The following MYCBP2 variants were observed in gnomAD, a reference collection of about 807,000 sequenced individuals.
MYCBP2 encodes the protein MYC binding protein 2.
A neutral mutation model predicts 525.3 loss-of-function variants in MYCBP2; 120 were observed. The ratio of observed to expected loss-of-function variants is 0.23; its 90% CI spans 0.20 to 0.27. The LOEUF (loss-of-function observed/expected upper bound fraction) is 0.27, where lower values mean the gene tolerates loss of function less well. Ranked by LOEUF, MYCBP2 falls within the 10% of genes least tolerant of loss-of-function variation. The pLI is 1.00. For synonymous variants in MYCBP2, 1,894 were observed against 1,955.8 expected (o/e 0.97, Z 0.83); for missense variants, 4,149 against 5,657.1 (o/e 0.73, Z 8.55).
chr13:77,067,775 A>T lies in MYCBP2; in HGVS notation c.12261T>A (p.Asp4087Glu), dbSNP rs1364214149. The T allele has an allele frequency of 1.9e-6, 3 of 1,614,098 alleles. No individual in the cohort carries two copies. The South Asian group carries it at 3.3e-5, about 18-fold the overall frequency. The change falls in exon 71 of 83, where the codon GAT becomes GAA. Residue 4087 changes from aspartate to glutamate, a missense_variant. Asp to Glu is a conservative substitution (Grantham distance 45). Around this residue, in one of 21 missense-constraint regions of MYCBP2, gnomAD observed 148 missense variants for 179.4 expected, o/e 0.82. Transcript: ENST00000544440. ...CTGTTGAGTGAATGATATCACTGAT[A>T]TCTGCTGGGGGGAGGGATTTCACTC... ...IIGVKSLPPA[D>E]ISDIIHSTEK...
intron 46 of MYCBP2, among the ~76,000 whole-genome samples, chr13:77,153,876 A>G (rs1594953034): frequency 6.6e-6 from 1 of 152,284 alleles, no homozygotes; most frequent in East Asian, 1.9e-4. Context: ...CTGAACCAAA[A>G]CCAGGAAATT....
At chr13:77,275,137 T>A (rs2075377862) in intron 4 of MYCBP2, among the ~76,000 whole-genome samples, 3 of 152,180 alleles carry the variant, frequency 2.0e-5, no homozygotes, top group Admixed American at 1.3e-4. Context: ...ACAAAGAATG[T>A]CTCTACCCTT....
chr13:77,083,183 T>C lies in MYCBP2; in HGVS notation c.10885A>G (p.Thr3629Ala). The C allele has an allele frequency of 6.2e-7, 1 of 1,612,018 alleles. No homozygotes were observed. ...SKENSEQEKD[T>A]RVCEHPLSDI... Reference sequence around the variant, plus strand: ...GAGAGTGGATGTTCACATACTCTTGTATCTTTCTCCTAAGGCAGAAATTGA... The same window carrying C: ...GAGAGTGGATGTTCACATACTCTTGCATCTTTCTCCTAAGGCAGAAATTGA... Residue 3629 changes from threonine to alanine, a missense_variant, in exon 63 of 83, where the codon ACA becomes GCA. Coordinates refer to ENST00000544440, the MANE Select transcript of MYCBP2 (RefSeq NM_015057.5).
chr13:77,177,334 C>CTTTTTT (rs748460042), intron 35 of MYCBP2, among the ~76,000 whole-genome samples: 8 of 122,894 alleles, frequency 6.5e-5, no homozygotes, highest in East Asian at 2.2e-4. Context: ...TCTTTTCTTT[C>CTTTTTT]TTTTTTTTTT....
intron 54 of MYCBP2, 135 bp from the exon 55 acceptor site, chr13:77,121,630 T>A: frequency 2.5e-6 from 2 of 804,770 alleles, no homozygotes; most frequent in Non-Finnish European, 3.5e-6. Context: ...TTGATCAATT[T>A]AAATACCAGT....
chr13:77,302,022 C>CA (rs1376481022), intron 1 of MYCBP2, among the ~76,000 whole-genome samples: 1 of 151,664 alleles, frequency 6.6e-6, no homozygotes, highest in Non-Finnish European at 1.5e-5. Context: ...ATCACGGAAA[C>CA]AAAAATGGGA....
chr13:77,121,889 T>C (rs1022568083), intron 54 of MYCBP2, among the ~76,000 whole-genome samples: 6 of 152,096 alleles, frequency 3.9e-5, no homozygotes, highest in African/African-American at 1.4e-4. Flanking sequence ...ATTTTGCATA[T>C]TAGTATTAGA....
intron 38 of MYCBP2, 22 bp downstream of exon 38, chr13:77,171,470 A>G: frequency 6.2e-7 from 1 of 1,605,070 alleles, no homozygotes; most frequent in Non-Finnish European, 8.5e-7. Context: ...AAATATGACT[A>G]CTGAGAAAGA....
At chr13:77,119,555 T>C (rs1431114297) in intron 55 of MYCBP2, among the ~76,000 whole-genome samples, 2 of 152,084 alleles carry the variant, frequency 1.3e-5, no homozygotes, top group Non-Finnish European at 2.9e-5. Context: ...AAAAAAAACT[T>C]ACAAAAAACA....
chr13:77,048,746 T>C (rs1033793083), intron 82 of MYCBP2, among the ~76,000 whole-genome samples: 5 of 152,192 alleles, frequency 3.3e-5, no homozygotes, highest in South Asian at 2.1e-4. Context: ...TCCTTCCTTC[T>C]GCCAACTCTG....
intron 26 of MYCBP2, among the ~76,000 whole-genome samples, chr13:77,203,376 C>T (rs1298161092): frequency 1.3e-5 from 2 of 152,128 alleles, no homozygotes; most frequent in Admixed American, 1.3e-4. Context: ...CTACAAACCA[C>T]TGCTCAAGGA....
At position 77,225,540 on chromosome 13, in the gene MYCBP2, T is replaced by C. The variant is rs1566974257; in HGVS notation, c.2752A>G (p.Arg918Gly). 1 of 1,613,600 alleles carries C rather than the reference T, an allele frequency of 6.2e-7. No homozygotes were observed. Among genetic ancestry groups the C allele is most frequent in the Non-Finnish European group, 8.5e-7 (1 of 1,179,642 alleles). ...ATTTTGCTTGCATCCTTTTCGCCTC[T>C]TTCTCCACTTCCATCTGCAAGTGTT... ...RDKHKDGSGE[R>G]GEKDASKITT... The change falls in exon 19 of 83, where the codon AGA (arginine) becomes GGA (glycine). Residue 918 changes from arginine (R) to glycine (G), a missense_variant. Physicochemically the swap from Arg to Gly is moderately radical, Grantham distance 125. Coordinates refer to ENST00000544440, the MANE Select transcript of MYCBP2 (RefSeq NM_015057.5).
In MYCBP2 at chr13:77,257,842, A is replaced by C. The variant is rs2072510790; in HGVS notation, c.2018-13T>G. 3.8e-6 allele frequency: 6 copies of C among 1,593,216 alleles called. No homozygotes were observed. Among genetic ancestry groups the C allele is most frequent in the African/African-American group, 2.7e-5 (2 of 73,430 alleles). ...TCAGTTACCAAACCTATAGGAAAGAAACAAATTTAGTAAAAACAACAAAAA... is the reference window on the plus strand; with the variant it reads ...TCAGTTACCAAACCTATAGGAAAGACACAAATTTAGTAAAAACAACAAAAA... On this transcript the variant is annotated splice_polypyrimidine_tract_variant and intron_variant, in intron 13 of 82. Transcript: ENST00000544440.
At chr13:77,080,014 C>A (rs9565316) in intron 65 of MYCBP2, among the ~76,000 whole-genome samples, 9,901 of 152,150 alleles carry the variant, frequency 0.065, 538 homozygotes, top group East Asian at 0.17. Context: ...GAGAGTATGT[C>A]CTTGCTTAAA....
chr13:77,166,771 T>C (rs531133956), intron 40 of MYCBP2, among the ~76,000 whole-genome samples: 6 of 152,090 alleles, frequency 3.9e-5, no homozygotes, highest in Non-Finnish European at 8.8e-5. Flanking sequence ...TAAATTTGAC[T>C]TCAAAGTATG....
intron 26 of MYCBP2, among the ~76,000 whole-genome samples, chr13:77,195,024 CTT>C (rs68089729): frequency 5.4e-5 from 8 of 149,444 alleles, no homozygotes; most frequent in Non-Finnish European, 7.4e-5. Flanking sequence ...AAAAAATGTC[CTT>C]TTTTTTTTTA....
intron 46 of MYCBP2, among the ~76,000 whole-genome samples, chr13:77,155,618 A>G (rs1284483300): frequency 6.6e-6 from 1 of 152,184 alleles, no homozygotes. Context: ...TTTACAATCT[A>G]AACTCATATA....
In MYCBP2 at chr13:77,139,584, C is replaced by T. The variant is rs192619589; in HGVS notation, c.7519-248G>A. On this transcript the variant is annotated intron_variant, in intron 51 of 82. Coordinates refer to ENST00000544440, the MANE Select transcript of MYCBP2 (RefSeq NM_015057.5). ...ACTTAGGAATAAAAACACAAGGAAA[C>T]CACACTTTAAGATACATAAACAGTA... 1.9e-3 allele frequency among the ~76,000 whole-genome samples: 292 copies of T among 152,188 alleles called. 2 individuals carry two copies. Among genetic ancestry groups the T allele is most frequent in the African/African-American group, 6.9e-3 (285 of 41,524 alleles).
Position 77,081,975 on chromosome 13 carries a change from G to A in MYCBP2, c.11055C>T (p.Phe3685=). 1.2e-6 allele frequency: 2 copies of A among 1,613,146 alleles called. No homozygotes were observed. Among genetic ancestry groups the A allele is most frequent in the Non-Finnish European group, 1.7e-6 (2 of 1,179,582 alleles). The change falls in exon 64 of 83, where the codon TTC becomes TTT. Residue 3685 remains phenylalanine, a synonymous_variant. Transcript: ENST00000544440. This position sits in a 1 kb window ranked among gnomAD's most constrained non-coding sequence, Gnocchi z 4.6. Reference sequence around the variant, plus strand: ...GAAGGAACTGGTGATCAGATTGCTTGAATTTGAGACTCCAGCACCTAAAAA... The same window carrying A: ...GAAGGAACTGGTGATCAGATTGCTTAAATTTGAGACTCCAGCACCTAAAAA... ...QMALRCWSLK[F]KQSDHQFLHQ... is the part of the protein sequence containing the mutation.
Sources: allele counts gnomAD v4.1 joint callset (sites outside exome capture counted in the v4.1 genomes callset), GRCh38; gene constraint gnomAD v4.1.1; regional missense constraint gnomAD v4.1.1; non-coding constraint Gnocchi (gnomAD v3.1); transcripts MANE v1.5; gene names NCBI Gene and HGNC (gene_info 2026-07-23, HGNC 2026-07-21).